Variants in RABGAP1L observed in about 807,000 individuals in gnomAD.
RABGAP1L encodes RAB GTPase activating protein 1 like.
RABGAP1L carries 63 observed loss-of-function variants against 137.7 expected under a neutral mutation model. That is an observed-to-expected ratio of 0.46 (90% CI 0.37 to 0.56). The LOEUF is 0.56. Ranked by LOEUF, RABGAP1L falls within the 20% of genes least tolerant of loss-of-function variation. RABGAP1L has a pLI of 0.00. For synonymous variants in RABGAP1L, 431 were observed against 433.7 expected (o/e 0.99, Z 0.08); for missense variants, 1,095 against 1,244.0 (o/e 0.88, Z 1.80).
intron 19 of RABGAP1L, among the ~76,000 whole-genome samples, chr1:174,815,307 A>G (rs1359562219): frequency 6.6e-6 from 1 of 152,196 alleles, no homozygotes; most frequent in Non-Finnish European, 1.5e-5. Flanking sequence ...GGACTTATAG[A>G]CTGAGACTTA....
chr1:174,468,657 G>A lies in RABGAP1L; in HGVS notation c.1710+74512G>A, dbSNP rs370926204. ...TAATATTGAGCATTATATCCCTAAA[G>A]ATAAAAAAGTTTAAACCCAGAGAAG... On this transcript the variant is annotated intron_variant, in intron 13 of 25. Coordinates refer to ENST00000681986, the MANE Select transcript of RABGAP1L (RefSeq NM_001366446.1). 4.6e-5 allele frequency among the ~76,000 whole-genome samples: 7 copies of A among 152,194 alleles called. No individual in the cohort carries two copies. In the South Asian group the frequency reaches 1.2e-3, roughly 27 times the overall value.
intron 14 of RABGAP1L, among the ~76,000 whole-genome samples, chr1:174,644,943 A>G (rs1179307865): frequency 6.6e-6 from 1 of 152,098 alleles, no homozygotes; most frequent in Non-Finnish European, 1.5e-5. Flanking sequence ...AGTCCTACGC[A>G]CTATACCCAC....
chr1:174,706,473 A>G (rs1377854292), intron 17 of RABGAP1L, among the ~76,000 whole-genome samples: 3 of 152,156 alleles, frequency 2.0e-5, no homozygotes, highest in Admixed American at 6.5e-5. Context: ...ATCTGCCTTT[A>G]TCTGTTTAGC....
At chr1:174,453,275 T>C (rs546154697) in intron 13 of RABGAP1L, among the ~76,000 whole-genome samples, 1 of 152,370 alleles carries the variant, frequency 6.6e-6, no homozygotes, top group African/African-American at 2.4e-5. Flanking sequence ...TTTCCTCATT[T>C]ATTAAAATGG....
intron 13 of RABGAP1L, among the ~76,000 whole-genome samples, chr1:174,499,284 T>G (rs932797111): frequency 2.6e-5 from 4 of 152,316 alleles, no homozygotes; most frequent in Admixed American, 1.3e-4. Flanking sequence ...TTTATGTGGA[T>G]TAATTTTAAA....
intron 19 of RABGAP1L, among the ~76,000 whole-genome samples, chr1:174,918,880 G>A (rs975671294): frequency 5.9e-5 from 9 of 152,140 alleles, no homozygotes; most frequent in Non-Finnish European, 1.2e-4. Context: ...GTCTCGTACA[G>A]TGGCATGTGC....
At chr1:174,451,308 A>T (rs1223147233) in intron 13 of RABGAP1L, among the ~76,000 whole-genome samples, 1 of 152,186 alleles carries the variant, frequency 6.6e-6, no homozygotes, top group African/African-American at 2.4e-5. Context: ...TTATTTCTTT[A>T]AGGTATAAAT....
At chr1:174,421,839 G>T (rs1475889347) in intron 13 of RABGAP1L, among the ~76,000 whole-genome samples, 6 of 152,186 alleles carry the variant, frequency 3.9e-5, no homozygotes. Context: ...CACGATCTCG[G>T]CTCACTGCAA....
In RABGAP1L at chr1:174,637,375, G is replaced by A. The variant is rs1674145696; in HGVS notation, c.1711G>A (p.Asp571Asn). Residue 571 changes from aspartate (D) to asparagine (N), a missense_variant and splice_region_variant, in exon 14 of 26, where the codon GAC (aspartate) becomes AAC (asparagine). By Grantham distance (23) the Asp-to-Asn change is conservative. Around this residue, in one of 4 missense-constraint regions of RABGAP1L, gnomAD observed 315 missense variants for 324.8 expected, o/e 0.97. Coordinates refer to ENST00000681986, the MANE Select transcript of RABGAP1L (RefSeq NM_001366446.1). ...CAGGTCTATTTTCTTTCTTTTTTAG[G>A]ACTCAGCCCAGGAGAGTGTTATTAC... ...LDRYRILITK[D>N]SAQESVITRD... The A allele has an allele frequency of 6.3e-7, 1 of 1,595,280 alleles. No homozygotes were observed. Among genetic ancestry groups the A allele is most frequent in the Non-Finnish European group, 8.6e-7 (1 of 1,165,884 alleles).
At chr1:174,635,052 A>G (rs1288380425) in intron 13 of RABGAP1L, among the ~76,000 whole-genome samples, 1 of 151,026 alleles carries the variant, frequency 6.6e-6, no homozygotes. Flanking sequence ...AAATAATAAT[A>G]AAATAAAAAA....
At chr1:174,368,674 A>T (rs886427885) in intron 11 of RABGAP1L, among the ~76,000 whole-genome samples, 5 of 152,148 alleles carry the variant, frequency 3.3e-5, no homozygotes, top group African/African-American at 1.2e-4. Flanking sequence ...AGATTGTGGT[A>T]TATTAGTGAA....
chr1:174,367,573 GT>G, intron 11 of RABGAP1L: 1 of 267,762 alleles, frequency 3.7e-6, no homozygotes. Flanking sequence ...TGTTTAGCTG[GT>G]TAGGTCTCTT....
intron 19 of RABGAP1L, among the ~76,000 whole-genome samples, chr1:174,882,111 T>C (rs1395457455): frequency 1.3e-5 from 2 of 152,196 alleles, no homozygotes; most frequent in Non-Finnish European, 2.9e-5. Context: ...TCTGCCCACC[T>C]CGGCCTCCCA....
At chr1:174,479,554 A>G (rs1285670276) in intron 13 of RABGAP1L, among the ~76,000 whole-genome samples, 1 of 152,222 alleles carries the variant, frequency 6.6e-6, no homozygotes, top group African/African-American at 2.4e-5. Flanking sequence ...TTCTGGAATG[A>G]CAGCTTGTTA....
At chr1:174,449,607 G>A (rs1435050106) in intron 13 of RABGAP1L, among the ~76,000 whole-genome samples, 2 of 152,124 alleles carry the variant, frequency 1.3e-5, no homozygotes, top group Non-Finnish European at 2.9e-5. Flanking sequence ...TACATAAACT[G>A]CCCTTTGTAG....
chr1:174,780,452 A>G (rs1686894845), intron 18 of RABGAP1L, among the ~76,000 whole-genome samples: 1 of 152,174 alleles, frequency 6.6e-6, no homozygotes, highest in African/African-American at 2.4e-5. Context: ...GCTCCTATCT[A>G]ACCCCTGATC....
rs944256230 is a variant in RABGAP1L at position 174,960,934 on chromosome 1, A to G, written c.2433+3385A>G. Among the ~76,000 whole-genome samples the G allele has an allele frequency of 5.9e-5, 9 of 152,356 alleles. 1 individual carries two copies. The highest frequency in any genetic ancestry group is 3.9e-4 in the Admixed American group (6 of 15,302). The stretch of plus-strand genomic sequence containing the variant: ...ACATATATAAGTAGGTAATACACAC[A>G]CATATATGCACTGCCTGTGCTACCT... On this transcript the variant is annotated intron_variant, in intron 20 of 25. Transcript: ENST00000681986.
chr1:174,447,749 A>C (rs916080581), intron 13 of RABGAP1L, among the ~76,000 whole-genome samples: 1 of 151,936 alleles, frequency 6.6e-6, no homozygotes, highest in Non-Finnish European at 1.5e-5. Context: ...TTAATTTTTC[A>C]TAGTGCAAGA....
intron 7 of RABGAP1L, among the ~76,000 whole-genome samples, chr1:174,268,518 A>G (rs993724319): frequency 1.3e-5 from 2 of 152,032 alleles, no homozygotes; most frequent in African/African-American, 2.4e-5. Context: ...TTCATTTTTA[A>G]TAATAAAAGT....
Sources: allele counts gnomAD v4.1 joint callset (sites outside exome capture counted in the v4.1 genomes callset), GRCh38; gene constraint gnomAD v4.1.1; regional missense constraint gnomAD v4.1.1; transcripts MANE v1.5; gene names NCBI Gene and HGNC (gene_info 2026-07-23, HGNC 2026-07-21).